FSTL5: variants seen among roughly 807,000 people sequenced by gnomAD.
The protein encoded by FSTL5 is follistatin-related protein 5.
Under a neutral mutation model 89.1 loss-of-function variants are expected in FSTL5, and 62 were observed. The observed-to-expected ratio is 0.70, with a 90% CI of 0.57 to 0.86. FSTL5 has a LOEUF of 0.86. Ranked by LOEUF, FSTL5 falls within the 40% of genes least tolerant of loss-of-function variation. The probability of loss-of-function intolerance (pLI) is 0.00; values close to 1 mark genes in which losing one functional copy is unlikely to be tolerated. For missense variants in FSTL5, 1,057 were observed against 1,001.6 expected (o/e 1.06, Z -0.75); for synonymous variants, 383 against 346.2 (o/e 1.11, Z -1.18).
intron 13 of FSTL5, among the ~76,000 whole-genome samples, chr4:161,467,811 G>A (rs1414772244): frequency 6.6e-6 from 1 of 151,800 alleles, no homozygotes; most frequent in Admixed American, 6.6e-5. Context: ...ATTATACGTG[G>A]CTGCAAAAAA....
chr4:161,586,629 T>C (rs1170253416), intron 8 of FSTL5, among the ~76,000 whole-genome samples: 1 of 152,238 alleles, frequency 6.6e-6, no homozygotes, highest in Non-Finnish European at 1.5e-5. Flanking sequence ...TATTTTAAAA[T>C]AAATCAGAAT....
At chr4:162,060,306 G>A (rs1392541682) in intron 2 of FSTL5, among the ~76,000 whole-genome samples, 3 of 151,988 alleles carry the variant, frequency 2.0e-5, no homozygotes, top group African/African-American at 7.2e-5. Context: ...GACTCAGTCG[G>A]TGAAACTAAA....
At chr4:162,114,179 TC>T (rs1376276968) in intron 1 of FSTL5, among the ~76,000 whole-genome samples, 2 of 151,940 alleles carry the variant, frequency 1.3e-5, no homozygotes, top group Admixed American at 6.6e-5. Context: ...TTGCAACCCA[TC>T]CCCCTTTTTT....
chr4:161,566,048 A>C (rs1196558528), intron 8 of FSTL5, among the ~76,000 whole-genome samples: 1 of 140,598 alleles, frequency 7.1e-6, no homozygotes, highest in East Asian at 2.1e-4. Flanking sequence ...ATAAGTGTTC[A>C]CTTTTCACTG....
chr4:161,392,765 A>G (rs1454526639), intron 15 of FSTL5, among the ~76,000 whole-genome samples: 1 of 152,178 alleles, frequency 6.6e-6, no homozygotes, highest in Non-Finnish European at 1.5e-5. Flanking sequence ...GCAGGAGTTG[A>G]TAAATGGGTC....
chr4:162,052,604 G>A (rs1403057729), intron 2 of FSTL5, among the ~76,000 whole-genome samples: 1 of 151,660 alleles, frequency 6.6e-6, no homozygotes, highest in African/African-American at 2.4e-5. Flanking sequence ...GTTTTCTGTG[G>A]CAATTCATGT....
At chr4:161,876,826 G>C (rs560070785) in intron 4 of FSTL5, among the ~76,000 whole-genome samples, 19 of 152,050 alleles carry the variant, frequency 1.2e-4, no homozygotes, top group Non-Finnish European at 2.6e-4. Flanking sequence ...TATTACTACA[G>C]AAAGTGCACA....
rs560871838 is a variant in FSTL5, at chr4:161,749,708, C to A, written c.727+9703G>T. 3.3e-5 allele frequency among the ~76,000 whole-genome samples: 5 copies of A among 151,990 alleles called. 1 individual carries two copies. In the South Asian group the frequency reaches 1.0e-3, roughly 32 times the overall value. Reference sequence around the variant, plus strand: ...TCGGGAGGCTGAGGCAGGAGAATGGCGTGAACCCGACAGGCGGAGCTTGCA... The same window carrying A: ...TCGGGAGGCTGAGGCAGGAGAATGGAGTGAACCCGACAGGCGGAGCTTGCA... On this transcript the variant is annotated intron_variant, in intron 6 of 15. Coordinates refer to ENST00000306100, the MANE Select transcript of FSTL5 (RefSeq NM_020116.5).
At chr4:162,042,400 C>T (rs538440677) in intron 2 of FSTL5, among the ~76,000 whole-genome samples, 3 of 152,034 alleles carry the variant, frequency 2.0e-5, no homozygotes, top group African/African-American at 7.2e-5. Flanking sequence ...AGAATTTTCC[C>T]AGTGTCAAAA....
chr4:161,539,901 C>A (rs1024699467), intron 9 of FSTL5, among the ~76,000 whole-genome samples: 1 of 64,466 alleles, frequency 1.6e-5, no homozygotes, highest in Non-Finnish European at 2.7e-5. Flanking sequence ...CAAAATCATA[C>A]CTTTTTTTTT....
chr4:162,062,804 A>T lies in FSTL5; in HGVS notation c.127-29146T>A, dbSNP rs867597104. Among the ~76,000 whole-genome samples the T allele has an allele frequency of 2.8e-4, 42 of 151,546 alleles. 1 individual carries two copies. The Middle Eastern group carries it at 0.014, about 49-fold the overall frequency. On this transcript the variant is annotated intron_variant, in intron 2 of 15. Coordinates refer to ENST00000306100, the MANE Select transcript of FSTL5 (RefSeq NM_020116.5). ...TCAAATTTTTTCATTATATTTTATT[A>T]AAAAAACCCAGAATAATAAAAGTCA...
At chr4:161,898,590 C>A (rs1271900373) in intron 4 of FSTL5, among the ~76,000 whole-genome samples, 1 of 150,498 alleles carries the variant, frequency 6.6e-6, no homozygotes, top group African/African-American at 2.4e-5. Context: ...GAAAAATTTT[C>A]AGTCTCTTTC....
intron 8 of FSTL5, among the ~76,000 whole-genome samples, chr4:161,563,524 C>T (rs2126574280): frequency 6.6e-6 from 1 of 152,052 alleles, no homozygotes; most frequent in South Asian, 2.1e-4. Flanking sequence ...ATGTCAGCCT[C>T]CATTTTTGTG....
At chr4:161,674,554 G>A (rs893708576) in intron 6 of FSTL5, among the ~76,000 whole-genome samples, 4 of 152,142 alleles carry the variant, frequency 2.6e-5, no homozygotes, top group Admixed American at 2.0e-4. Context: ...TCAACAGTCA[G>A]AACTGCATAG....
intron 3 of FSTL5, among the ~76,000 whole-genome samples, chr4:161,941,073 G>C (rs776219550): frequency 1.6e-4 from 25 of 151,828 alleles, no homozygotes; most frequent in Non-Finnish European, 5.9e-5. Context: ...TTAAGGCTAT[G>C]ATGATACTAA....
chr4:161,661,584 G>A (rs1736714197), intron 6 of FSTL5, among the ~76,000 whole-genome samples: 1 of 152,024 alleles, frequency 6.6e-6, no homozygotes, highest in African/African-American at 2.4e-5. Flanking sequence ...AACTAACAAG[G>A]AAATTCTGAT....
intron 1 of FSTL5, among the ~76,000 whole-genome samples, chr4:162,156,135 A>G (rs1353111897): frequency 6.6e-6 from 1 of 152,146 alleles, no homozygotes; most frequent in African/African-American, 2.4e-5. Flanking sequence ...CAAACATGAA[A>G]AAATGCTCCA....
At chr4:161,663,495 C>T (rs1469986443) in intron 6 of FSTL5, among the ~76,000 whole-genome samples, 1 of 152,160 alleles carries the variant, frequency 6.6e-6, no homozygotes, top group Non-Finnish European at 1.5e-5. Flanking sequence ...AAAATGATCT[C>T]CTTTGACTCC....
intron 12 of FSTL5, among the ~76,000 whole-genome samples, chr4:161,482,502 C>A (rs763972643): frequency 6.6e-6 from 1 of 152,152 alleles, no homozygotes; most frequent in Non-Finnish European, 1.5e-5. Flanking sequence ...CTATATAAAA[C>A]CATTAGTTTT....
Sources: gnomAD v4.1 joint callset for allele counts (sites outside exome capture counted in the v4.1 genomes callset) on GRCh38, gnomAD v4.1.1 for gene constraint, MANE v1.5 for transcripts, NCBI Gene and HGNC (gene_info 2026-07-23, HGNC 2026-07-21) for gene names.